The following SCAPER variants were observed in gnomAD, a reference collection of about 807,000 sequenced individuals.
SCAPER encodes S phase cyclin A-associated protein in the endoplasmic reticulum.
Under a neutral mutation model 182.2 loss-of-function variants are expected in SCAPER, and 98 were observed. The observed-to-expected ratio is 0.54, with a 90% CI of 0.46 to 0.64. The LOEUF is 0.64. Ranked by LOEUF, SCAPER falls within the 30% of genes least tolerant of loss-of-function variation. The pLI is 0.00. For missense variants in SCAPER, 1,432 were observed against 1,690.0 expected (o/e 0.85, Z 2.68); for synonymous variants, 605 against 564.6 (o/e 1.07, Z -1.01).
chr15:76,586,920 ACTGT>A (rs1163241718), intron 22 of SCAPER, among the ~76,000 whole-genome samples: 2 of 151,224 alleles, frequency 1.3e-5, no homozygotes, highest in East Asian at 1.9e-4. Context: ...CAGCTGTGAA[ACTGT>A]CTGGTCCTGG....
chr15:76,665,572 C>T (rs1169819630), intron 21 of SCAPER, 81 bp downstream of exon 21: 1 of 1,450,762 alleles, frequency 6.9e-7, no homozygotes, highest in African/African-American at 1.4e-5. Flanking sequence ...CAACTTTAAA[C>T]TTTTTTTGTC....
At chr15:76,552,980 G>A (rs780302530) in intron 23 of SCAPER, among the ~76,000 whole-genome samples, 80 of 152,240 alleles carry the variant, frequency 5.3e-4, no homozygotes, top group African/African-American at 1.6e-3. Flanking sequence ...TTGGCAGACC[G>A]CTTTTACCTG....
intron 21 of SCAPER, among the ~76,000 whole-genome samples, chr15:76,631,382 T>A (rs1224738889): frequency 6.6e-6 from 1 of 152,236 alleles, no homozygotes; most frequent in Non-Finnish European, 1.5e-5. Flanking sequence ...TGCTTCATAA[T>A]GTCACTGGTC....
intron 29 of SCAPER, among the ~76,000 whole-genome samples, chr15:76,357,728 A>G (rs142495860): frequency 1.3e-5 from 2 of 152,364 alleles, no homozygotes; most frequent in East Asian, 3.9e-4. Flanking sequence ...TGAGGTATGT[A>G]TGGGCATATA....
chr15:76,493,078 G>A (rs187244267), intron 24 of SCAPER, among the ~76,000 whole-genome samples: 1 of 152,132 alleles, frequency 6.6e-6, no homozygotes, highest in Admixed American at 6.5e-5. Context: ...CCACCATGCT[G>A]CAATAGCAAA....
At position 76,708,511 on chromosome 15, in the gene SCAPER, C is replaced by T. The variant is rs189093414; in HGVS notation, c.2166-2527G>A. Reference sequence around the variant, plus strand: ...AAAAAGAAAAAAGATTAAATACATACATAAATGTAAAAATAGTTTCAAATC... The same window carrying T: ...AAAAAGAAAAAAGATTAAATACATATATAAATGTAAAAATAGTTTCAAATC... On this transcript the variant is annotated intron_variant, in intron 17 of 31. Transcript: ENST00000563290. Among the ~76,000 whole-genome samples, 152 of 151,648 alleles carry T rather than the reference C, an allele frequency of 1.0e-3. 1 individual carries two copies. Among genetic ancestry groups the T allele is most frequent in the Admixed American group, 2.6e-3 (40 of 15,226 alleles).
Position 76,776,433 on chromosome 15 carries a change from C to CAGTA in SCAPER, c.773-1320_773-1317dup, listed in dbSNP as rs201011018. 4.2e-3 allele frequency among the ~76,000 whole-genome samples: 642 copies of CAGTA among 152,238 alleles called. 10 individuals carry two copies. Among genetic ancestry groups the CAGTA allele is most frequent in the East Asian group, 0.012 (60 of 5,182 alleles). Reference sequence around the variant, plus strand: ...TCCAATTCCCCTATCCAAGTAGCATCAGTAGGGCCCAATAGTGAACAAAGT... The same window carrying CAGTA: ...TCCAATTCCCCTATCCAAGTAGCATCAGTAAGTAGGGCCCAATAGTGAACAAAGT... On this transcript the variant is annotated intron_variant, in intron 8 of 31. Coordinates refer to ENST00000563290, the MANE Select transcript of SCAPER (RefSeq NM_020843.4).
At chr15:76,873,152 G>A (rs1217530033) in intron 2 of SCAPER, among the ~76,000 whole-genome samples, 1 of 151,666 alleles carries the variant, frequency 6.6e-6, no homozygotes, top group Non-Finnish European at 1.5e-5. Flanking sequence ...TCAAGAGGCT[G>A]AGGTGGGAGG....
At chr15:76,603,360 C>G (rs554228945) in intron 22 of SCAPER, among the ~76,000 whole-genome samples, 2 of 121,236 alleles carry the variant, frequency 1.6e-5, no homozygotes, top group East Asian at 4.4e-4. Context: ...AGGACATGAA[C>G]TCATCATTTT....
intron 25 of SCAPER, among the ~76,000 whole-genome samples, chr15:76,464,111 T>C (rs778739044): frequency 1.7e-4 from 25 of 150,378 alleles, no homozygotes; most frequent in Non-Finnish European, 1.8e-4. Context: ...GTAAAATGGG[T>C]CTCTAGAACT....
chr15:76,529,628 G>C (rs900671527), intron 23 of SCAPER, among the ~76,000 whole-genome samples: 11 of 152,174 alleles, frequency 7.2e-5, no homozygotes, highest in Admixed American at 5.2e-4. Context: ...AGACCTGAAG[G>C]AAGTGAGGAA....
chr15:76,652,301 T>TACACAC (rs1567706362), intron 21 of SCAPER, among the ~76,000 whole-genome samples: 6 of 26,844 alleles, frequency 2.2e-4, no homozygotes, highest in African/African-American at 1.2e-3. Context: ...TATATATATA[T>TACACAC]ATATATATAC....
chr15:76,533,838 T>C (rs1296238636), intron 23 of SCAPER, among the ~76,000 whole-genome samples: 2 of 152,114 alleles, frequency 1.3e-5, no homozygotes, highest in Non-Finnish European at 1.5e-5. Flanking sequence ...GGTCAGAAGA[T>C]GCTAGGAAAG....
chr15:76,646,563 G>T (rs537599082), intron 21 of SCAPER, among the ~76,000 whole-genome samples: 1 of 152,138 alleles, frequency 6.6e-6, no homozygotes, highest in South Asian at 2.1e-4. Flanking sequence ...TCATCCTTCT[G>T]TACAAAAACA....
intron 26 of SCAPER, among the ~76,000 whole-genome samples, chr15:76,427,986 T>A (rs928637246): frequency 1.3e-5 from 2 of 150,920 alleles, no homozygotes; most frequent in African/African-American, 4.9e-5. Flanking sequence ...TGTAGTCCCA[T>A]CTATTTGGGA....
At chr15:76,515,114 A>G (rs1443750424) in intron 23 of SCAPER, among the ~76,000 whole-genome samples, 3 of 152,356 alleles carry the variant, frequency 2.0e-5, no homozygotes, top group African/African-American at 7.2e-5. Flanking sequence ...GGCTTAGGCG[A>G]TACAGTAAGT....
At chr15:76,355,550 T>C (rs1257866999) in intron 29 of SCAPER, among the ~76,000 whole-genome samples, 1 of 152,236 alleles carries the variant, frequency 6.6e-6, no homozygotes, top group Non-Finnish European at 1.5e-5. Flanking sequence ...AGTCTTCTTT[T>C]TTTTTTTCCC....
In SCAPER at chr15:76,813,243, AAAAAAAAAAAAAC is replaced by A. The variant is rs754209522; in HGVS notation, c.394-8623_394-8611del. On this transcript the variant is annotated intron_variant, in intron 5 of 31. Transcript: ENST00000563290. ...TCCTTTCACTAAAAAAAAAAAAAAA[AAAAAAAAAAAAAC>A]AACTCAACAAAATAGGTATAGAAGG... is the stretch of plus-strand genomic sequence containing the variant. Among the ~76,000 whole-genome samples, 266 of 60,906 alleles carry A rather than the reference AAAAAAAAAAAAAC, an allele frequency of 4.4e-3. 4 individuals carry two copies. The highest frequency in any genetic ancestry group is 0.014 in the Middle Eastern group (1 of 70). The allele number at this position is 60,906 out of a possible 152,430, so 40.0% of individuals were successfully genotyped here. A position where few individuals can be genotyped will look rare whatever the true frequency, so the allele number is the denominator to read the frequency against.
chr15:76,852,651 A>G (rs1280688840), intron 4 of SCAPER, among the ~76,000 whole-genome samples: 1 of 152,212 alleles, frequency 6.6e-6, no homozygotes, highest in Non-Finnish European at 1.5e-5. Flanking sequence ...TGAGAACAAA[A>G]GATACAACAT....
Sources: gnomAD v4.1 joint callset for allele counts (sites outside exome capture counted in the v4.1 genomes callset) on GRCh38, gnomAD v4.1.1 for gene constraint, MANE v1.5 for transcripts, NCBI Gene and HGNC (gene_info 2026-07-23, HGNC 2026-07-21) for gene names.